Variants in STON2 observed in about 807,000 individuals in gnomAD.
The protein encoded by STON2 is stonin-2.
In STON2, 29 loss-of-function variants were observed where a neutral mutation model predicts 65.7. The observed-to-expected ratio is 0.44, with a 90% confidence interval of 0.33 to 0.60. The LOEUF is 0.60. STON2 is among the 20% of genes least tolerant of loss of function. The pLI, the probability that STON2 is intolerant of heterozygous loss-of-function variation, is 0.03. For synonymous variants in STON2, 404 were observed against 414.2 expected, an observed-to-expected ratio of 0.98 and a Z score of 0.30; for missense variants, 1,054 against 1,118.1, an observed-to-expected ratio of 0.94 and a Z score of 0.82.
chr14:81,313,194 G>T (rs1896493308), intron 5 of STON2, among the ~76,000 whole-genome samples: 1 of 152,180 alleles, frequency 6.6e-6, no homozygotes, highest in Non-Finnish European at 1.5e-5. Flanking sequence ...CTAGTGATTA[G>T]ATCAAAGACA....
chr14:81,436,403 C>G (rs1371478259), exon 1 of STON2: 1 of 151,618 alleles, frequency 6.6e-6, no homozygotes, highest in East Asian at 1.9e-4. Context: ...GGGATACCCA[C>G]CCGGCCGCAC....
chr14:81,360,919 A>T (rs797013463), intron 4 of STON2, among the ~76,000 whole-genome samples: 29 of 152,294 alleles, frequency 1.9e-4, no homozygotes, highest in African/African-American at 6.3e-4. Context: ...TCCATTTACA[A>T]TACCTACAAA....
At chr14:81,284,475 T>C (rs1895254568) in intron 5 of STON2, among the ~76,000 whole-genome samples, 1 of 152,022 alleles carries the variant, frequency 6.6e-6, no homozygotes, top group Non-Finnish European at 1.5e-5. Flanking sequence ...TCTATGAAAG[T>C]GGAAAGAGGT....
intron 3 of STON2, chr14:81,395,068 G>A (rs952157664): frequency 6.6e-6 from 1 of 152,200 alleles, no homozygotes; most frequent in Non-Finnish European, 1.5e-5. Context: ...AAGCTCCCCA[G>A]TGCAGCTTCT....
At chr14:81,407,991 C>T (rs1462410533) in intron 2 of STON2, among the ~76,000 whole-genome samples, 1 of 152,138 alleles carries the variant, frequency 6.6e-6, no homozygotes. Context: ...AAAGAGAAGA[C>T]TGGAAGGCCC....
chr14:81,382,287 T>C (rs1899562139), intron 3 of STON2, among the ~76,000 whole-genome samples: 1 of 152,084 alleles, frequency 6.6e-6, no homozygotes, highest in Admixed American at 6.6e-5. Context: ...ATAAATGGAT[T>C]GTAGCATATT....
chr14:81,305,402 A>G (rs1896132597), intron 5 of STON2, among the ~76,000 whole-genome samples: 1 of 152,180 alleles, frequency 6.6e-6, no homozygotes, highest in Admixed American at 6.5e-5. Context: ...TTGAGCTATG[A>G]CGGTGGGTGT....
At chr14:81,280,758 C>T (rs1016202442) in intron 5 of STON2, among the ~76,000 whole-genome samples, 8 of 152,116 alleles carry the variant, frequency 5.3e-5, no homozygotes, top group South Asian at 2.1e-4. Flanking sequence ...TGCCTGTAAT[C>T]GCAGCACTTT....
rs370421507 is a variant in STON2, at chr14:81,351,178, C to CTTTTTTT, written c.571+19803_571+19809dup. Among the ~76,000 whole-genome samples, 254 of 127,506 alleles carry CTTTTTTT rather than the reference C, an allele frequency of 2.0e-3. 2 individuals carry two copies. Among genetic ancestry groups the CTTTTTTT allele is most frequent in the East Asian group, 4.6e-3 (20 of 4,388 alleles). The allele number at this position is 127,506 out of a possible 152,430, so 83.6% of individuals were successfully genotyped here. On this transcript the variant is annotated intron_variant, in intron 4 of 7. Transcript: ENST00000614646. ...CTAAGGTATTTTGAGGTAAGCTCTTCTTTTTTTTTTTTTTTTTCTGGTGGG... is the reference window on the plus strand; with the variant it reads ...CTAAGGTATTTTGAGGTAAGCTCTTCTTTTTTTTTTTTTTTTTTTTTTTTCTGGTGGG...
chr14:81,427,789 C>T (rs891610051), intron 1 of STON2, among the ~76,000 whole-genome samples: 4 of 151,994 alleles, frequency 2.6e-5, no homozygotes, highest in Admixed American at 2.6e-4. Flanking sequence ...CGTGCAAAAA[C>T]AAAAGCAGTT....
chr14:81,435,346 T>A (rs1902375581), intron 1 of STON2, among the ~76,000 whole-genome samples: 1 of 152,176 alleles, frequency 6.6e-6, no homozygotes, highest in Non-Finnish European at 1.5e-5. Context: ...ATTTACTCTT[T>A]AAAAGCCCAT....
intron 2 of STON2, among the ~76,000 whole-genome samples, chr14:81,408,565 ATG>A (rs1900991007): frequency 6.6e-6 from 1 of 152,216 alleles, no homozygotes; most frequent in Non-Finnish European, 1.5e-5. Flanking sequence ...GTGTGTGTAT[ATG>A]TGTGTATACA....
chr14:81,316,998 T>A (rs1182739842), intron 5 of STON2, among the ~76,000 whole-genome samples: 1 of 151,754 alleles, frequency 6.6e-6, no homozygotes, highest in East Asian at 1.9e-4. Flanking sequence ...CCAGCCTGGG[T>A]GATAGAGTGA....
rs1894188843 is a variant in STON2 at position 81,262,481 on chromosome 14, G to A, written c.*5933C>T. ...TGGAGCTTCTTACTTTTAACTTTAA[G>A]AGATGGCTTCTAGTTCAAGTATTTT... On this transcript the variant is annotated 3_prime_UTR_variant, in exon 8 of 8. Coordinates refer to ENST00000614646, the MANE Select transcript of STON2 (RefSeq NM_001394390.1). 1 of 985,132 alleles carries A rather than the reference G, an allele frequency of 1.0e-6. No individual in the cohort carries two copies. Among genetic ancestry groups the A allele is most frequent in the Admixed American group, 6.1e-5 (1 of 16,268 alleles). 61.0% of individuals were successfully genotyped at this position (985,132 alleles called of 1,614,324 possible).
intron 4 of STON2, among the ~76,000 whole-genome samples, chr14:81,361,246 T>C (rs556074329): frequency 5.9e-5 from 9 of 152,206 alleles, no homozygotes; most frequent in African/African-American, 2.2e-4. Flanking sequence ...CCATATTACT[T>C]GAAACAATAC....
intron 5 of STON2, among the ~76,000 whole-genome samples, chr14:81,322,608 C>T (rs957801947): frequency 4.6e-5 from 7 of 152,162 alleles, no homozygotes; most frequent in East Asian, 1.9e-4. Context: ...ACAATGATGA[C>T]GTAGTGCTGA....
chr14:81,412,916 G>A, intron 2 of STON2: 1 of 665,060 alleles, frequency 1.5e-6, no homozygotes, highest in Non-Finnish European at 2.5e-6. Context: ...GCGATGCTTA[G>A]CACCTCCCCA....
rs1894151013 is a variant in STON2, at chr14:81,261,683, C to T, written c.*6731G>A. The T allele has an allele frequency of 8.8e-7, 1 of 1,133,018 alleles. No homozygotes were observed. Among genetic ancestry groups the T allele is most frequent in the Non-Finnish European group, 1.2e-6 (1 of 857,560 alleles). The allele number at this position is 1,133,018 out of a possible 1,614,324, so 70.2% of individuals were successfully genotyped here. The stretch of plus-strand genomic sequence containing the variant: ...ATATATATATACCTCATTGATTATC[C>T]TATCATCCCCAGTACTTGGAGGGTT... On this transcript the variant is annotated 3_prime_UTR_variant, in exon 8 of 8. Transcript: ENST00000614646.
intron 2 of STON2, among the ~76,000 whole-genome samples, chr14:81,416,550 G>A (rs559390615): frequency 1.1e-4 from 17 of 152,336 alleles, no homozygotes; most frequent in Admixed American, 7.8e-4. Flanking sequence ...TCATCTATGT[G>A]AGCCATGCCC....
Sources: gnomAD v4.1 joint callset for allele counts (sites outside exome capture counted in the v4.1 genomes callset) on GRCh38, gnomAD v4.1.1 for gene constraint, MANE v1.5 for transcripts, NCBI Gene and HGNC (gene_info 2026-07-23, HGNC 2026-07-21) for gene names.